The following LRRC37A2 variants were observed in gnomAD, a reference collection of about 807,000 sequenced individuals.
The protein encoded by LRRC37A2 is leucine rich repeat containing 37 member A2, also known as leucine-rich repeat-containing protein 37A2.
LRRC37A2 carries 9 observed loss-of-function variants against 68.8 expected under a neutral mutation model. The ratio of observed to expected loss-of-function variants is 0.13; its 90% confidence interval spans 0.08 to 0.23. The LOEUF (loss-of-function observed/expected upper bound fraction) is 0.23, where lower values mean the gene tolerates loss of function less well. Among genes scored for constraint, LRRC37A2 ranks in the 10% least tolerant of loss-of-function variants. LRRC37A2 has a pLI of 1.00. For synonymous variants in LRRC37A2, 63 were observed against 367.6 expected (o/e 0.17, Z 9.48); for missense variants, 168 against 950.4 (o/e 0.18, Z 10.82).
chr17:46,824,716 C>G, the LRRC37A2 span, among the ~76,000 whole-genome samples: 1 of 152,208 alleles, frequency 6.6e-6, no homozygotes, highest in African/African-American at 2.4e-5. Context: ...GATGATGGGC[C>G]CAGAGGAGAG....
At chr17:46,938,449 G>A in the LRRC37A2 span, 1 of 1,177,014 alleles carries the variant, frequency 8.5e-7, no homozygotes, top group Non-Finnish European at 1.2e-6. Context: ...ACATGAGAGT[G>A]GCTCTATTTC....
chr17:46,458,228 A>T, the LRRC37A2 span, among the ~76,000 whole-genome samples: 1 of 105,244 alleles, frequency 9.5e-6, no homozygotes, highest in African/African-American at 3.2e-5. Flanking sequence ...TTTTAAATGC[A>T]TAATTGAGCT....
chr17:46,771,258 G>T, the LRRC37A2 span, among the ~76,000 whole-genome samples: 173 of 152,236 alleles, frequency 1.1e-3, no homozygotes, highest in African/African-American at 4.1e-3. Flanking sequence ...GACCGAGGAC[G>T]GCGGCAAGGG....
the LRRC37A2 span, among the ~76,000 whole-genome samples, chr17:46,761,983 G>A: frequency 2.6e-5 from 4 of 152,360 alleles, no homozygotes; most frequent in African/African-American, 9.6e-5. Flanking sequence ...CCACAGCCCA[G>A]GGCACACGCT....
the LRRC37A2 span, among the ~76,000 whole-genome samples, chr17:46,783,092 CG>C: frequency 1.3e-5 from 2 of 152,140 alleles, no homozygotes; most frequent in East Asian, 3.9e-4. Context: ...ATTCTCTCAA[CG>C]GGGCCCTCTG....
the LRRC37A2 span, among the ~76,000 whole-genome samples, chr17:46,774,899 A>G: frequency 1.3e-4 from 20 of 152,292 alleles, no homozygotes; most frequent in Non-Finnish European, 2.2e-4. Flanking sequence ...GACAATTGCA[A>G]TCTGCTGTAT....
the LRRC37A2 span, chr17:46,726,751 T>A: frequency 6.3e-6 from 5 of 794,386 alleles, no homozygotes; most frequent in Non-Finnish European, 1.1e-5. Context: ...CAAGGAAATA[T>A]AATGTTCTCT....
At chr17:46,839,895 A>G in the LRRC37A2 span, among the ~76,000 whole-genome samples, 1 of 150,664 alleles carries the variant, frequency 6.6e-6, no homozygotes, top group East Asian at 2.0e-4. Context: ...CATGGTGTAT[A>G]TGTGCCACAT....
chr17:46,711,262 G>A, the LRRC37A2 span: 19 of 770,198 alleles, frequency 2.5e-5, no homozygotes, highest in Non-Finnish European at 3.4e-5. Flanking sequence ...TCCAATCTAT[G>A]TACCAATATT....
At chr17:46,957,328 C>T in the LRRC37A2 span, among the ~76,000 whole-genome samples, 1 of 151,630 alleles carries the variant, frequency 6.6e-6, no homozygotes, top group East Asian at 1.9e-4. Context: ...AAAAAGAAAC[C>T]CAGGCTAAGC....
the LRRC37A2 span, among the ~76,000 whole-genome samples, chr17:46,852,627 G>A: frequency 3.3e-5 from 5 of 151,962 alleles, no homozygotes; most frequent in Admixed American, 6.6e-5. Flanking sequence ...GGATGGGGGC[G>A]GGTATCATGG....
the LRRC37A2 span, chr17:46,721,656 C>T: frequency 1.2e-6 from 2 of 1,601,808 alleles, no homozygotes; most frequent in East Asian, 2.2e-5. Context: ...GAAAAAGTTT[C>T]AACCTTGTGT....
At chr17:47,029,434 A>G in the LRRC37A2 span, among the ~76,000 whole-genome samples, 9 of 152,130 alleles carry the variant, frequency 5.9e-5, no homozygotes, top group African/African-American at 2.2e-4. Context: ...CCTGAAGGGG[A>G]CTCAAGGTGA....
chr17:46,714,049 T>C, the LRRC37A2 span: 11 of 1,506,784 alleles, frequency 7.3e-6, no homozygotes, highest in African/African-American at 1.4e-5. Flanking sequence ...TGTGCACATA[T>C]ATATGCCTTT....
At chr17:46,968,087 G>A in the LRRC37A2 span, among the ~76,000 whole-genome samples, 1 of 152,032 alleles carries the variant, frequency 6.6e-6, no homozygotes, top group Non-Finnish European at 1.5e-5. Flanking sequence ...GGGGCATATG[G>A]CATGGCCCAG....
chr17:46,751,783 C>CTT, the LRRC37A2 span, among the ~76,000 whole-genome samples: 1 of 152,208 alleles, frequency 6.6e-6, no homozygotes, highest in African/African-American at 2.4e-5. Flanking sequence ...AGATTGATCA[C>CTT]TTAACAATAC....
the LRRC37A2 span, among the ~76,000 whole-genome samples, chr17:46,980,666 CAAAAA>C: frequency 1.2e-5 from 1 of 83,870 alleles, no homozygotes; most frequent in Non-Finnish European, 2.6e-5. Flanking sequence ...ACTAAAAATA[CAAAAA>C]AAAAAAAAAA....
the LRRC37A2 span, chr17:47,021,814 T>C: frequency 2.2e-6 from 3 of 1,333,862 alleles, no homozygotes; most frequent in East Asian, 4.6e-5. Flanking sequence ...ATTGTTTTCC[T>C]ACCTATTCAA....
the LRRC37A2 span, chr17:46,721,615 A>G: frequency 1.3e-6 from 2 of 1,583,032 alleles, no homozygotes; most frequent in African/African-American, 1.3e-5. Flanking sequence ...CAAAATTAAC[A>G]TCCTTGCCCG....
Sources: gnomAD v4.1 joint callset for allele counts (sites outside exome capture counted in the v4.1 genomes callset) on GRCh38, gnomAD v4.1.1 for gene constraint, MANE v1.5 for transcripts, NCBI Gene and HGNC (gene_info 2026-07-23, HGNC 2026-07-21) for gene names.